ABCC8: variants seen among roughly 807,000 people sequenced by gnomAD.
The protein encoded by ABCC8 is ATP binding cassette subfamily C member 8.
In ABCC8, 137 loss-of-function variants were observed where a neutral mutation model predicts 188.0. That is an observed-to-expected ratio of 0.73 (90% confidence interval 0.63 to 0.84). The LOEUF is 0.84. Ranked by LOEUF, ABCC8 falls within the 40% of genes least tolerant of loss-of-function variation. ABCC8 has a pLI of 0.00. For synonymous variants in ABCC8, 797 were observed against 846.5 expected (o/e 0.94, Z 1.01); for missense variants, 1,750 against 2,072.7 (o/e 0.84, Z 3.02).
At chr11:17,401,246 A>T (rs1486488616) in intron 29 of ABCC8, among the ~76,000 whole-genome samples, 1 of 152,222 alleles carries the variant, frequency 6.6e-6, no homozygotes, top group African/African-American at 2.4e-5. Flanking sequence ...GAACGGGAGA[A>T]GTTCAGGCTT....
chr11:17,402,485 C>A (rs1246778117), intron 29 of ABCC8, among the ~76,000 whole-genome samples, 176 bp downstream of exon 29: 4 of 152,192 alleles, frequency 2.6e-5, no homozygotes, highest in Admixed American at 6.5e-5. Flanking sequence ...TCAGTGGGAG[C>A]CCACCTGGCC....
intron 3 of ABCC8, among the ~76,000 whole-genome samples, chr11:17,467,445 GC>G (rs1848235164): frequency 6.6e-6 from 1 of 151,774 alleles, no homozygotes; most frequent in Non-Finnish European, 1.5e-5. Flanking sequence ...TTGCACCCAC[GC>G]CACTCTTCTT....
chr11:17,417,083 G>A (rs1000754310), intron 16 of ABCC8, 121 bp from the exon 17 acceptor site: 174 of 1,561,626 alleles, frequency 1.1e-4, no homozygotes, highest in Non-Finnish European at 1.5e-4. Context: ...CATTCCCAGG[G>A]TTTCCAAATG....
intron 17 of ABCC8, 64 bp downstream of exon 17, chr11:17,416,866 T>G: frequency 6.4e-7 from 1 of 1,567,842 alleles, no homozygotes; most frequent in Non-Finnish European, 8.8e-7. Flanking sequence ...CCACAAGTCC[T>G]CCACCCCCAC....
rs143805533 is a variant in ABCC8 at position 17,409,999 on chromosome 11, G to C, written c.2694+517C>G. On this transcript the variant is annotated intron_variant, in intron 22 of 38. Coordinates refer to ENST00000389817, the MANE Select transcript of ABCC8 (RefSeq NM_000352.6). ...ACTTCTGGGCTCAAGTGATCCTCTT[G>C]TCCTGGCCTCCCAAAGTGCTGGGAT... is the stretch of plus-strand genomic sequence containing the variant. Among the ~76,000 whole-genome samples, 215 of 152,194 alleles carry C rather than the reference G, an allele frequency of 1.4e-3. 2 individuals are homozygous for C. The highest frequency in any genetic ancestry group is 4.7e-3 in the African/African-American group (195 of 41,512).
Position 17,427,792 on chromosome 11 carries a change from G to T in ABCC8, c.2116+75C>A. ...AGAGAGTAGGTGCTCAATAAATGCAGCTTTGTCTTTTTATCTCTATGTTAT... is the reference window on the plus strand; with the variant it reads ...AGAGAGTAGGTGCTCAATAAATGCATCTTTGTCTTTTTATCTCTATGTTAT... On this transcript the variant is annotated intron_variant, in intron 15 of 38. Transcript: ENST00000389817. This position sits in a 1 kb window ranked among gnomAD's most constrained non-coding sequence, Gnocchi z 5.0. 6.4e-7 allele frequency: 1 copy of T among 1,568,240 alleles called. No individual in the cohort carries two copies. Among genetic ancestry groups the T allele is most frequent in the Admixed American group, 1.8e-5 (1 of 55,194 alleles).
At chr11:17,392,871 C>T, downstream of ABCC8, 3 of 1,281,692 alleles carry the variant, frequency 2.3e-6, no homozygotes, top group Non-Finnish European at 3.3e-6. Flanking sequence ...GCCCACCAGA[C>T]TTAGGGCCTC....
intron 24 of ABCC8, 70 bp from the exon 25 acceptor site, chr11:17,407,199 A>G (rs1954585779): frequency 6.2e-7 from 1 of 1,600,878 alleles, no homozygotes; most frequent in Non-Finnish European, 8.5e-7. Context: ...AGGGCATTTT[A>G]TCCCCACTTA....
rs756765109 is a variant in ABCC8, at chr11:17,463,612, G to C, written c.413-8C>G. ...TCCAATACACCAGCAGGGCTGCCGA[G>C]GAGAGATGGAAGATCGCAGAGACGT... On this transcript the variant is annotated splice_region_variant and splice_polypyrimidine_tract_variant and intron_variant, in intron 3 of 38. Transcript: ENST00000389817. 3 of 1,568,076 alleles carry C rather than the reference G, an allele frequency of 1.9e-6. No individual in the cohort carries two copies. The South Asian group carries it at 3.5e-5, about 18-fold the overall frequency.
At chr11:17,458,523 C>T (rs1302771037) in intron 6 of ABCC8, among the ~76,000 whole-genome samples, 1 of 151,962 alleles carries the variant, frequency 6.6e-6, no homozygotes, top group Non-Finnish European at 1.5e-5. Flanking sequence ...TGCCATTTCC[C>T]CCTGATATTA....
Position 17,448,606 on chromosome 11 carries a change from A to G in ABCC8, c.1242T>C (p.Ala414=), listed in dbSNP as rs563592305. Residue 414 remains alanine, a synonymous_variant, in exon 8 of 39, where the codon GCT becomes GCC. Transcript: ENST00000389817. ...TGGCAACCAGATTACAGATCTGTCC[A>G]GCAGTCATTTCTCCCATGGACAGGT... ...TSNLSMGEMT[A]GQICNLVAID... The G allele has an allele frequency of 8.7e-6, 14 of 1,614,212 alleles. No individual in the cohort carries two copies. In the East Asian group the frequency reaches 1.3e-4, roughly 15 times the overall value.
chr11:17,440,746 C>T (rs1233725876), intron 10 of ABCC8, among the ~76,000 whole-genome samples: 1 of 152,260 alleles, frequency 6.6e-6, no homozygotes, highest in Non-Finnish European at 1.5e-5. Context: ...ACACCATGGT[C>T]TAGCTGGACA....
In ABCC8 at chr11:17,406,628, G is replaced by C; in HGVS notation, c.3323C>G (p.Pro1108Arg). Residue 1108 changes from proline (P) to arginine (R), a missense_variant, in exon 26 of 39, where the codon CCC becomes CGC. Coordinates refer to ENST00000389817, the MANE Select transcript of ABCC8 (RefSeq NM_000352.6). ...GGCCAGGGGAGACGGGTACCTCATG[G>C]GGGCTAGGATGATCCGGTTTAGCAG... ...RSLLNRIILA[P>R]MRFFETTPLG... 6.2e-7 allele frequency: 1 copy of C among 1,613,414 alleles called. No individual in the cohort carries two copies.
rs201955628 is a variant in ABCC8 at position 17,396,906 on chromosome 11, G to A, written c.4119+10C>T. 5.6e-6 allele frequency: 9 copies of A among 1,613,498 alleles called. No homozygotes were observed. Among genetic ancestry groups the A allele is most frequent in the Middle Eastern group, 1.6e-4 (1 of 6,084 alleles). ...TGTCCTGCAGCATTGGGTTGGGCCC[G>A]TGCTCTGACCTTCTGTCCAGGGGCG... is the stretch of plus-strand genomic sequence containing the variant. On this transcript the variant is annotated intron_variant, in intron 33 of 38. Coordinates refer to ENST00000389817, the MANE Select transcript of ABCC8 (RefSeq NM_000352.6).
Position 17,427,012 on chromosome 11 carries a change from T to C in ABCC8, c.2222+37A>G, listed in dbSNP as rs566843875. The C allele has an allele frequency of 6.2e-7, 1 of 1,606,752 alleles. No individual in the cohort carries two copies. The highest frequency in any genetic ancestry group is 1.3e-5 in the African/African-American group (1 of 74,748). On this transcript the variant is annotated intron_variant, in intron 16 of 38. Coordinates refer to ENST00000389817, the MANE Select transcript of ABCC8 (RefSeq NM_000352.6). This position sits in a 1 kb window ranked among gnomAD's most constrained non-coding sequence, Gnocchi z 5.0. Reference sequence around the variant, plus strand: ...ACTGAGGAGGATGGTTAAAAGGAGATTTCCCCTCCACTGGGCCCTGAGGAT... The same window carrying C: ...ACTGAGGAGGATGGTTAAAAGGAGACTTCCCCTCCACTGGGCCCTGAGGAT...
At chr11:17,448,714 A>G (rs1418473516) in intron 7 of ABCC8, 43 bp from the exon 8 acceptor site, 3 of 1,611,800 alleles carry the variant, frequency 1.9e-6, no homozygotes, top group Non-Finnish European at 2.5e-6. Flanking sequence ...CATCATTCTC[A>G]TCATCATCAC....
At position 17,407,380 on chromosome 11, in the gene ABCC8, A is replaced by G; in HGVS notation, c.2894T>C (p.Leu965Pro). The change falls in exon 24 of 39, where the codon CTT becomes CCT. Residue 965 changes from leucine (L) to proline (P), a missense_variant. Transcript: ENST00000389817. ...LSRAMSSRDG[L>P]LQDEEEEEEE... The stretch of plus-strand genomic sequence containing the variant: ...TTCCTCCTCTTCCTCATCCTGCAGA[A>G]GGCCATCCCTCGAGGACATGGCACG... 1 of 1,614,172 alleles carries G rather than the reference A, an allele frequency of 6.2e-7. No homozygotes were observed. Among genetic ancestry groups the G allele is most frequent in the African/African-American group, 1.3e-5 (1 of 75,030 alleles).
intron 1 of ABCC8, among the ~76,000 whole-genome samples, chr11:17,476,279 C>T (rs560883534): frequency 6.6e-6 from 1 of 152,332 alleles, no homozygotes; most frequent in Admixed American, 6.5e-5. Context: ...TAAGCTGCGC[C>T]ACGGAGGGTG....
intron 10 of ABCC8, among the ~76,000 whole-genome samples, chr11:17,440,123 G>T (rs1482659101): frequency 6.6e-6 from 1 of 152,128 alleles, no homozygotes; most frequent in African/African-American, 2.4e-5. Flanking sequence ...TTCACTGCTT[G>T]CTGTGCCAGG....
Sources: gnomAD v4.1 joint callset for allele counts (sites outside exome capture counted in the v4.1 genomes callset) on GRCh38, gnomAD v4.1.1 for gene constraint, Gnocchi (gnomAD v3.1) non-coding constraint, MANE v1.5 for transcripts, NCBI Gene and HGNC (gene_info 2026-07-23, HGNC 2026-07-21) for gene names.